KLHL29: variants seen among roughly 807,000 people sequenced by gnomAD.
KLHL29 encodes kelch like family member 29.
KLHL29 carries 21 observed loss-of-function variants against 80.4 expected under a neutral mutation model. The observed-to-expected ratio is 0.26, with a 90% CI of 0.19 to 0.38. The LOEUF (loss-of-function observed/expected upper bound fraction) is 0.38, where lower values mean the gene tolerates loss of function less well. Ranked by LOEUF, KLHL29 falls within the 10% of genes least tolerant of loss-of-function variation. KLHL29 has a pLI of 1.00. For missense variants in KLHL29, 867 were observed against 1,223.9 expected (o/e 0.71, Z 4.35); for synonymous variants, 511 against 526.8 (o/e 0.97, Z 0.41).
intron 3 of KLHL29, among the ~76,000 whole-genome samples, chr2:23,604,842 C>T (rs967552035): frequency 5.9e-5 from 9 of 152,192 alleles, no homozygotes; most frequent in Non-Finnish European, 1.0e-4. Flanking sequence ...CCTGAGGTCC[C>T]CATCCTGACC....
At chr2:23,468,658 GC>G (rs894665631) in intron 1 of KLHL29, among the ~76,000 whole-genome samples, 79 of 152,264 alleles carry the variant, frequency 5.2e-4, no homozygotes, top group African/African-American at 1.8e-3. Context: ...GCCGTCTCCA[GC>G]CCCCCGACAC....
At chr2:23,673,631 CACAT>C (rs770692417) in intron 5 of KLHL29, among the ~76,000 whole-genome samples, 15 of 151,042 alleles carry the variant, frequency 9.9e-5, no homozygotes, top group South Asian at 2.1e-4. Context: ...CTCACACACA[CACAT>C]ACACACACAC....
intron 4 of KLHL29, among the ~76,000 whole-genome samples, chr2:23,640,761 G>A (rs909637913): frequency 1.3e-5 from 2 of 152,250 alleles, no homozygotes; most frequent in African/African-American, 4.8e-5. Context: ...TGCTGAGGAG[G>A]AAACTGGCTC....
At chr2:23,455,008 G>GGGGA (rs1553325761) in intron 1 of KLHL29, among the ~76,000 whole-genome samples, 2 of 148,742 alleles carry the variant, frequency 1.3e-5, no homozygotes, top group African/African-American at 2.5e-5. Context: ...GGTTGGGGGG[G>GGGGA]GGGCATTTAT....
chr2:23,546,916 T>C (rs1008486345), intron 2 of KLHL29, among the ~76,000 whole-genome samples: 4 of 152,178 alleles, frequency 2.6e-5, no homozygotes, highest in African/African-American at 7.2e-5. Context: ...GGGAGAGTTA[T>C]GGTTGTGAGT....
At chr2:23,641,874 C>G (rs1669778783) in intron 4 of KLHL29, among the ~76,000 whole-genome samples, 1 of 152,200 alleles carries the variant, frequency 6.6e-6, no homozygotes, top group African/African-American at 2.4e-5. Context: ...ATCCCAACTA[C>G]TCAGGAGGCT....
intron 3 of KLHL29, 149 bp from the exon 4 acceptor site, chr2:23,638,990 G>A: frequency 1.5e-6 from 1 of 673,678 alleles, no homozygotes; most frequent in Non-Finnish European, 2.3e-6. Flanking sequence ...TGGGTGGAGG[G>A]CTGAGGCTCT....
chr2:23,439,591 C>T lies in KLHL29; in HGVS notation c.-153-35969C>T, dbSNP rs186055019. On this transcript the variant is annotated intron_variant, in intron 1 of 13. Transcript: ENST00000486442. ...GTACCCAGTAGTCATTCAGGAGCAG[C>T]TTGTTCAGTTTCCATGTAGTTGAGC... Among the ~76,000 whole-genome samples, 541 of 152,210 alleles carry T rather than the reference C, an allele frequency of 3.6e-3. 4 individuals carry two copies. The highest frequency in any genetic ancestry group is 0.013 in the African/African-American group (521 of 41,524).
chr2:23,408,549 AGT>A (rs1666788852), intron 1 of KLHL29, among the ~76,000 whole-genome samples: 1 of 152,308 alleles, frequency 6.6e-6, no homozygotes, highest in African/African-American at 2.4e-5. Context: ...ATATACATAG[AGT>A]GAGATCGTTC....
intron 7 of KLHL29, 96 bp downstream of exon 7, chr2:23,691,972 T>G: frequency 8.0e-7 from 1 of 1,246,210 alleles, no homozygotes; most frequent in Non-Finnish European, 1.1e-6. Context: ...GGTCTGTGTG[T>G]GCACACCTGA....
intron 3 of KLHL29, among the ~76,000 whole-genome samples, chr2:23,568,513 C>G (rs1311731808): frequency 6.6e-6 from 1 of 152,186 alleles, no homozygotes; most frequent in Non-Finnish European, 1.5e-5. Flanking sequence ...CTGTCATCCT[C>G]CATCCAGCTA....
In KLHL29 at chr2:23,613,494, G is replaced by A. The variant is rs1048328882; in HGVS notation, c.286-25645G>A. ...TAAAAACCCATCCTTGGCCGGGCAC[G>A]GTGGCTCGTGCCTGTGATCCCAGCA... On this transcript the variant is annotated intron_variant, in intron 3 of 13. Coordinates refer to ENST00000486442, the MANE Select transcript of KLHL29 (RefSeq NM_052920.2). Among the ~76,000 whole-genome samples the A allele has an allele frequency of 2.6e-5, 4 of 152,226 alleles. No individual in the cohort carries two copies. In the East Asian group the frequency reaches 7.7e-4, roughly 29 times the overall value.
intron 5 of KLHL29, chr2:23,667,635 T>C (rs1475047272): frequency 6.6e-6 from 1 of 151,928 alleles, no homozygotes; most frequent in Non-Finnish European, 1.5e-5. Flanking sequence ...TCACCACCAC[T>C]GCACGGTGCC....
intron 3 of KLHL29, among the ~76,000 whole-genome samples, chr2:23,582,967 G>A (rs1297350168): frequency 1.3e-5 from 2 of 152,216 alleles, no homozygotes; most frequent in African/African-American, 4.8e-5. Flanking sequence ...CCAATGACGA[G>A]TGTTTTTACA....
intron 2 of KLHL29, among the ~76,000 whole-genome samples, chr2:23,506,375 C>G (rs1665598627): frequency 1.3e-5 from 2 of 152,234 alleles, no homozygotes; most frequent in African/African-American, 4.8e-5. Context: ...GAACTAATAC[C>G]TTCCCTAGTA....
intron 1 of KLHL29, among the ~76,000 whole-genome samples, chr2:23,399,827 G>A (rs7574026): frequency 0.26 from 40,272 of 152,144 alleles, 6,654 homozygotes; most frequent in South Asian, 0.37. Flanking sequence ...CTCACAGTGT[G>A]CACTCTTGTG....
At chr2:23,525,580 G>C (rs923951813) in intron 2 of KLHL29, among the ~76,000 whole-genome samples, 1 of 152,230 alleles carries the variant, frequency 6.6e-6, no homozygotes, top group African/African-American at 2.4e-5. Context: ...ATGGAGCTAA[G>C]GGGGAGGAGA....
chr2:23,430,793 G>A (rs766585948), intron 1 of KLHL29, among the ~76,000 whole-genome samples: 1 of 152,162 alleles, frequency 6.6e-6, no homozygotes, highest in Admixed American at 6.5e-5. Context: ...GATAGTGAGC[G>A]GCCCTTGGGT....
intron 2 of KLHL29, among the ~76,000 whole-genome samples, chr2:23,515,470 G>A (rs1328434792): frequency 6.6e-6 from 1 of 152,238 alleles, no homozygotes; most frequent in Non-Finnish European, 1.5e-5. Context: ...CCTCCTCCAG[G>A]AAGTCTTTTC....
Sources: allele counts gnomAD v4.1 joint callset (sites outside exome capture counted in the v4.1 genomes callset), GRCh38; gene constraint gnomAD v4.1.1; transcripts MANE v1.5; gene names NCBI Gene and HGNC (gene_info 2026-07-23, HGNC 2026-07-21).